LAMA2: variants seen among roughly 807,000 people sequenced by gnomAD.
LAMA2 encodes the protein laminin subunit alpha 2, also known as laminin subunit alpha-2.
Under a neutral mutation model 364.8 loss-of-function variants are expected in LAMA2, and 269 were observed. The observed-to-expected ratio is 0.74, with a 90% confidence interval of 0.67 to 0.82. The LOEUF (loss-of-function observed/expected upper bound fraction) is 0.82, where lower values mean the gene tolerates loss of function less well. LAMA2 is among the 40% of genes least tolerant of loss of function. The pLI is 0.00. For missense variants in LAMA2, 3,807 were observed against 3,873.2 expected, an observed-to-expected ratio of 0.98 and a Z score of 0.45; for synonymous variants, 1,379 against 1,370.6, an observed-to-expected ratio of 1.01 and a Z score of -0.14.
At chr6:129,013,633 T>G (rs1784903606) in intron 1 of LAMA2, among the ~76,000 whole-genome samples, 1 of 152,122 alleles carries the variant, frequency 6.6e-6, no homozygotes. Flanking sequence ...GACCAGAACA[T>G]GTAGCACTTT....
At chr6:128,961,889 T>C (rs1357795753) in intron 1 of LAMA2, among the ~76,000 whole-genome samples, 1 of 151,778 alleles carries the variant, frequency 6.6e-6, no homozygotes, top group Non-Finnish European at 1.5e-5. Context: ...GGGATCTGGA[T>C]ACCTAACTAA....
chr6:129,181,047 T>C (rs2115020515), intron 10 of LAMA2, among the ~76,000 whole-genome samples: 1 of 152,054 alleles, frequency 6.6e-6, no homozygotes, highest in East Asian at 1.9e-4. Flanking sequence ...GCTAGAAAAT[T>C]TTTCTCTTAG....
chr6:129,390,912 G>T (rs1159534772), intron 35 of LAMA2, among the ~76,000 whole-genome samples: 1 of 152,108 alleles, frequency 6.6e-6, no homozygotes, highest in Non-Finnish European at 1.5e-5. Flanking sequence ...GGATGCTATT[G>T]CTGGAAAGTG....
intron 4 of LAMA2, among the ~76,000 whole-genome samples, chr6:129,119,526 A>G (rs561143208): frequency 1.3e-5 from 2 of 151,478 alleles, no homozygotes; most frequent in East Asian, 1.9e-4. Flanking sequence ...ATTTTATTTT[A>G]TTTTTTATTA....
At chr6:129,047,419 A>G (rs1425212190) in intron 1 of LAMA2, among the ~76,000 whole-genome samples, 4 of 152,206 alleles carry the variant, frequency 2.6e-5, no homozygotes, top group African/African-American at 9.7e-5. Flanking sequence ...GATAGTGATT[A>G]AGTGAAAAAG....
chr6:129,314,822 T>C, intron 24 of LAMA2, 24 bp downstream of exon 24: 1 of 1,613,174 alleles, frequency 6.2e-7, no homozygotes, highest in Non-Finnish European at 8.5e-7. Flanking sequence ...TGCTGAGCCA[T>C]GTAATGGTAT....
Position 129,098,400 on chromosome 6 carries a change from C to T in LAMA2, c.624C>T (p.Pro208=), listed in dbSNP as rs367841133. The change falls in exon 4 of 65, where the codon CCC becomes CCT. Residue 208 remains proline, a synonymous_variant. Transcript: ENST00000421865. ...ICTSFYSKIH[P]LENGEIHISL... ...CTTCATTTTACTCCAAGATACACCC[C>T]TTAGAAAATGGAGAGGTAAGATGAG... 6.2e-7 allele frequency: 1 copy of T among 1,613,920 alleles called. No individual in the cohort carries two copies.
chr6:128,987,430 C>T (rs1461515057), intron 1 of LAMA2, among the ~76,000 whole-genome samples: 4 of 151,994 alleles, frequency 2.6e-5, no homozygotes, highest in South Asian at 4.1e-4. Flanking sequence ...TGTGAGCTAC[C>T]GTGCCCTGCC....
chr6:129,135,954 G>C (rs1376543308), intron 4 of LAMA2, among the ~76,000 whole-genome samples: 1 of 151,696 alleles, frequency 6.6e-6, no homozygotes, highest in Non-Finnish European at 1.5e-5. Flanking sequence ...TCAACTTCGA[G>C]TACTTTTTAA....
intron 2 of LAMA2, among the ~76,000 whole-genome samples, chr6:129,055,740 T>C (rs949057041): frequency 1.3e-5 from 2 of 152,240 alleles, no homozygotes; most frequent in African/African-American, 4.8e-5. Context: ...TTTCTGTTAA[T>C]AGACTTTGCT....
chr6:129,166,268 A>G (rs1265862905), intron 9 of LAMA2, among the ~76,000 whole-genome samples: 1 of 152,220 alleles, frequency 6.6e-6, no homozygotes, highest in Admixed American at 6.5e-5. Context: ...TCAAATGCCA[A>G]CATAACTCCT....
In LAMA2 at chr6:128,900,306, T is replaced by C. The variant is rs531504630; in HGVS notation, c.112+16949T>C. On this transcript the variant is annotated intron_variant, in intron 1 of 64. Coordinates refer to ENST00000421865, the MANE Select transcript of LAMA2 (RefSeq NM_000426.4). The stretch of plus-strand genomic sequence containing the variant: ...AAAGGAGGGATTTTTATTATATGAG[T>C]GAATTTGAGAGAAAGGGGGACAAGA... Among the ~76,000 whole-genome samples the C allele has an allele frequency of 2.0e-5, 3 of 151,874 alleles. No homozygotes were observed. In the South Asian group the frequency reaches 6.2e-4, roughly 32 times the overall value.
At chr6:129,496,461 C>T (rs1034409399) in intron 58 of LAMA2, among the ~76,000 whole-genome samples, 5 of 152,230 alleles carry the variant, frequency 3.3e-5, no homozygotes, top group East Asian at 1.9e-4. Context: ...ACACTGCGCC[C>T]GGCCTATTTC....
Position 129,377,391 on chromosome 6 carries a change from GAT to G in LAMA2, c.4960-5721_4960-5720del, listed in dbSNP as rs770573062. ...TATTTCTCCTTTTATATTTTTAAAA[GAT>G]ATATATATAATATAAAACAAGTCAT... is the stretch of plus-strand genomic sequence containing the variant. On this transcript the variant is annotated intron_variant, in intron 34 of 64. Coordinates refer to ENST00000421865, the MANE Select transcript of LAMA2 (RefSeq NM_000426.4). Among the ~76,000 whole-genome samples the G allele has an allele frequency of 7.2e-5, 11 of 151,822 alleles. No individual in the cohort carries two copies. In the South Asian group the frequency reaches 2.3e-3, roughly 32 times the overall value.
chr6:129,354,245 A>G (rs1777029307), intron 32 of LAMA2, among the ~76,000 whole-genome samples: 1 of 152,204 alleles, frequency 6.6e-6, no homozygotes, highest in South Asian at 2.1e-4. Flanking sequence ...TATAAGAGTT[A>G]ACCTCAGAAG....
chr6:129,063,537 T>C (rs1789081433), intron 3 of LAMA2, among the ~76,000 whole-genome samples: 1 of 152,158 alleles, frequency 6.6e-6, no homozygotes. Context: ...CAGTAGACTT[T>C]TCAAACACAT....
At chr6:129,011,682 C>T (rs1278694409) in intron 1 of LAMA2, among the ~76,000 whole-genome samples, 1 of 152,200 alleles carries the variant, frequency 6.6e-6, no homozygotes, top group Non-Finnish European at 1.5e-5. Context: ...ATATCCCATT[C>T]TGAGAGCACA....
At chr6:129,398,683 A>G (rs978752228) in intron 37 of LAMA2, among the ~76,000 whole-genome samples, 2 of 152,112 alleles carry the variant, frequency 1.3e-5, no homozygotes, top group East Asian at 3.9e-4. Flanking sequence ...CATGTTGGCC[A>G]GGCTGGTCTC....
intron 14 of LAMA2, among the ~76,000 whole-genome samples, chr6:129,260,365 A>G (rs1186226359): frequency 6.6e-6 from 1 of 152,154 alleles, no homozygotes; most frequent in Non-Finnish European, 1.5e-5. Context: ...TCAAGCAGTC[A>G]TTGGAATGTT....
Sources: allele counts gnomAD v4.1 joint callset (sites outside exome capture counted in the v4.1 genomes callset), GRCh38; gene constraint gnomAD v4.1.1; transcripts MANE v1.5; gene names NCBI Gene and HGNC (gene_info 2026-07-23, HGNC 2026-07-21).